RALGPS2: variants seen among roughly 807,000 people sequenced by gnomAD.
RALGPS2 encodes Ral GEF with PH domain and SH3 binding motif 2.
A neutral mutation model predicts 86.8 loss-of-function variants in RALGPS2; 43 were observed. The ratio of observed to expected loss-of-function variants is 0.50; its 90% CI spans 0.39 to 0.64. The LOEUF is 0.64. RALGPS2 is among the 30% of genes least tolerant of loss of function. The pLI is 0.00. For synonymous variants in RALGPS2, 243 were observed against 231.3 expected, an observed-to-expected ratio of 1.05 and a Z score of -0.46; for missense variants, 536 against 694.6, an observed-to-expected ratio of 0.77 and a Z score of 2.57.
At chr1:178,857,330 A>G (rs547818605) in intron 8 of RALGPS2, among the ~76,000 whole-genome samples, 1 of 152,340 alleles carries the variant, frequency 6.6e-6, no homozygotes, top group African/African-American at 2.4e-5. Context: ...GGTTCCCAGA[A>G]TTCCCTTAGT....
At chr1:178,755,780 T>G (rs1039509338) in intron 1 of RALGPS2, among the ~76,000 whole-genome samples, 76 of 152,216 alleles carry the variant, frequency 5.0e-4, no homozygotes, top group African/African-American at 1.8e-3. Context: ...CTTTCCATAG[T>G]GGCTGTACTA....
At chr1:178,793,505 G>T (rs998813372) in intron 4 of RALGPS2, among the ~76,000 whole-genome samples, 3 of 150,522 alleles carry the variant, frequency 2.0e-5, no homozygotes, top group African/African-American at 7.4e-5. Context: ...CTCCCAAAGT[G>T]CTGGGATTAC....
intron 7 of RALGPS2, among the ~76,000 whole-genome samples, chr1:178,830,207 A>G (rs993869783): frequency 6.6e-6 from 1 of 152,192 alleles, no homozygotes; most frequent in African/African-American, 2.4e-5. Flanking sequence ...TAAATTTGTC[A>G]GTTATACCCC....
At chr1:178,745,472 T>C (rs970593465) in intron 1 of RALGPS2, among the ~76,000 whole-genome samples, 1 of 152,216 alleles carries the variant, frequency 6.6e-6, no homozygotes, top group African/African-American at 2.4e-5. Flanking sequence ...AGTAAGCCAG[T>C]ACATAAATGG....
intron 17 of RALGPS2, among the ~76,000 whole-genome samples, chr1:178,899,881 T>A (rs1660098169): frequency 2.6e-5 from 4 of 151,772 alleles, no homozygotes; most frequent in Non-Finnish European, 1.5e-5. Context: ...GGGGAAAAAA[T>A]TTAAAAAGCT....
In RALGPS2 at chr1:178,853,702, T is replaced by A. The variant is rs757527685; in HGVS notation, c.607+20152T>A. On this transcript the variant is annotated intron_variant, in intron 8 of 19. Coordinates refer to ENST00000367635, the MANE Select transcript of RALGPS2 (RefSeq NM_152663.5). ...TGTTTTCACACCATAACTGCATTGG[T>A]CCATTGCTGTTTTCAGGTTTAATCA... 4.1e-5 allele frequency: 66 copies of A among 1,612,830 alleles called. No homozygotes were observed. The South Asian group carries it at 6.9e-4, about 17-fold the overall frequency.
intron 10 of RALGPS2, among the ~76,000 whole-genome samples, chr1:178,883,154 C>T (rs1181347005): frequency 1.3e-5 from 2 of 152,058 alleles, no homozygotes; most frequent in Non-Finnish European, 2.9e-5. Flanking sequence ...ATAAGATCAG[C>T]TTTGTATGAA....
intron 5 of RALGPS2, among the ~76,000 whole-genome samples, chr1:178,809,534 AAC>A (rs1264829988): frequency 6.6e-6 from 1 of 152,202 alleles, no homozygotes; most frequent in East Asian, 1.9e-4. Context: ...ATTAAAAAAA[AAC>A]AGTTTGTTAT....
At chr1:178,774,728 C>G (rs1652992887) in intron 1 of RALGPS2, among the ~76,000 whole-genome samples, 1 of 152,112 alleles carries the variant, frequency 6.6e-6, no homozygotes, top group South Asian at 2.1e-4. Flanking sequence ...TAAGTAGGTG[C>G]GTTAAATGGT....
intron 18 of RALGPS2, among the ~76,000 whole-genome samples, chr1:178,903,595 T>C (rs1437955824): frequency 6.6e-6 from 1 of 152,182 alleles, no homozygotes; most frequent in East Asian, 1.9e-4. Flanking sequence ...AGTGAGAACA[T>C]ATGATGTTTG....
chr1:178,849,598 T>A (rs996464673), intron 8 of RALGPS2: 2 of 152,056 alleles, frequency 1.3e-5, no homozygotes, highest in African/African-American at 4.8e-5. Flanking sequence ...AGATGCCCAG[T>A]TCCTTCCAGG....
intron 18 of RALGPS2, among the ~76,000 whole-genome samples, chr1:178,903,799 C>T (rs1660277551): frequency 6.6e-6 from 1 of 152,118 alleles, no homozygotes; most frequent in Admixed American, 6.6e-5. Flanking sequence ...GTGAATTGTG[C>T]TGCTGTGAAC....
chr1:178,830,179 C>T (rs751663587), intron 7 of RALGPS2, among the ~76,000 whole-genome samples: 1 of 152,066 alleles, frequency 6.6e-6, no homozygotes, highest in Admixed American at 6.5e-5. Context: ...AACATGTACA[C>T]CTCAAGTATA....
chr1:178,730,652 G>A (rs1276726070), intron 1 of RALGPS2, among the ~76,000 whole-genome samples: 1 of 148,434 alleles, frequency 6.7e-6, no homozygotes, highest in Non-Finnish European at 1.5e-5. Flanking sequence ...ATGCTGTGTA[G>A]CTATAATTGT....
In RALGPS2 at chr1:178,745,931, C is replaced by G. The variant is rs527606902; in HGVS notation, c.-84+20512C>G. On this transcript the variant is annotated intron_variant, in intron 1 of 19. Transcript: ENST00000367635. Reference sequence around the variant, plus strand: ...TCACCTCCCAGGTTCAAGCAATTCTCCTGCCTCAGCCTCCCAAGTAGCTGG... The same window carrying G: ...TCACCTCCCAGGTTCAAGCAATTCTGCTGCCTCAGCCTCCCAAGTAGCTGG... Among the ~76,000 whole-genome samples the G allele has an allele frequency of 2.1e-4, 32 of 149,430 alleles. No individual in the cohort carries two copies. In the South Asian group the frequency reaches 6.5e-3, roughly 30 times the overall value.
At position 178,835,338 on chromosome 1, in the gene RALGPS2, G is replaced by A. The variant is rs145281951; in HGVS notation, c.607+1788G>A. 3.0e-3 allele frequency among the ~76,000 whole-genome samples: 454 copies of A among 150,922 alleles called. 1 individual carries two copies. Among genetic ancestry groups the A allele is most frequent in the African/African-American group, 0.011 (447 of 41,136 alleles). Reference sequence around the variant, plus strand: ...CCTAGAAATAGCATGCATAGGACTAGAATCATGTTCTCCTTAAGGCTGGAT... The same window carrying A: ...CCTAGAAATAGCATGCATAGGACTAAAATCATGTTCTCCTTAAGGCTGGAT... On this transcript the variant is annotated intron_variant, in intron 8 of 19. Transcript: ENST00000367635.
At chr1:178,828,867 C>A (rs1034415359) in intron 7 of RALGPS2, among the ~76,000 whole-genome samples, 6 of 152,078 alleles carry the variant, frequency 3.9e-5, no homozygotes, top group Non-Finnish European at 7.4e-5. Flanking sequence ...TATGGAGATT[C>A]CCCCAAAAAT....
chr1:178,810,979 A>G (rs936455326), intron 5 of RALGPS2, among the ~76,000 whole-genome samples: 1 of 152,018 alleles, frequency 6.6e-6, no homozygotes, highest in Non-Finnish European at 1.5e-5. Flanking sequence ...AGTTTTAATT[A>G]TTTTTTAAAT....
chr1:178,747,698 C>T, intron 1 of RALGPS2: 1 of 1,434,128 alleles, frequency 7.0e-7, no homozygotes, highest in Non-Finnish European at 9.8e-7. Flanking sequence ...AGTACAGCAG[C>T]TGCCAGCGAT....
Sources: allele counts gnomAD v4.1 joint callset (sites outside exome capture counted in the v4.1 genomes callset), GRCh38; gene constraint gnomAD v4.1.1; transcripts MANE v1.5; gene names NCBI Gene and HGNC (gene_info 2026-07-23, HGNC 2026-07-21).